Variants in ARFGEF3 observed in about 807,000 individuals in gnomAD.
The protein encoded by ARFGEF3 is ARFGEF family member 3.
ARFGEF3 carries 96 observed loss-of-function variants against 221.7 expected under a neutral mutation model. The observed-to-expected ratio is 0.43, with a 90% CI of 0.37 to 0.51. The LOEUF is 0.51. Among genes scored for constraint, ARFGEF3 ranks in the 20% least tolerant of loss-of-function variants. The probability of loss-of-function intolerance (pLI) is 0.00; values close to 1 mark genes in which losing one functional copy is unlikely to be tolerated. For synonymous variants in ARFGEF3, 1,145 were observed against 1,126.8 expected (o/e 1.02, Z -0.32); for missense variants, 2,410 against 2,789.9 (o/e 0.86, Z 3.07).
rs1191601057 is a variant in ARFGEF3 at position 138,291,626 on chromosome 6, G to A, written c.3048-107G>A. ...TCATCACAGGAAAGAGGAAAGCTGG[G>A]GAGCTTGCAGAGCTGGCTGCATTTC... On this transcript the variant is annotated intron_variant, in intron 18 of 33. Coordinates refer to ENST00000251691, the MANE Select transcript of ARFGEF3 (RefSeq NM_020340.5). This position sits in a 1 kb window ranked among gnomAD's most constrained non-coding sequence, Gnocchi z 4.5. The A allele has an allele frequency of 1.0e-5, 7 of 681,846 alleles. No individual in the cohort carries two copies. Among genetic ancestry groups the A allele is most frequent in the Non-Finnish European group, 1.3e-5 (6 of 466,756 alleles). 42.2% of individuals were successfully genotyped at this position (681,846 alleles called of 1,614,324 possible). A position where few individuals can be genotyped will look rare whatever the true frequency, so the allele number is the denominator to read the frequency against.
intron 26 of ARFGEF3, among the ~76,000 whole-genome samples, chr6:138,314,876 A>G (rs868253035): frequency 1.1e-4 from 17 of 152,358 alleles, no homozygotes; most frequent in Middle Eastern, 6.8e-3. Flanking sequence ...TTATAATTCT[A>G]TCACAATAAG....
chr6:138,289,886 C>A lies in ARFGEF3; in HGVS notation c.2965C>A (p.His989Asn). 1 of 1,613,886 alleles carries A rather than the reference C, an allele frequency of 6.2e-7. No homozygotes were observed. Among genetic ancestry groups the A allele is most frequent in the Non-Finnish European group, 8.5e-7 (1 of 1,179,814 alleles). Residue 989 changes from histidine (H) to asparagine (N), a missense_variant, in exon 18 of 34, where the codon CAC becomes AAC. This residue lies in a region of ARFGEF3 where 594 missense variants were observed against 734.3 expected (regional missense o/e 0.81). Transcript: ENST00000251691. ...KVQGVWLHTA[H>N]VLCMEAILSV... The stretch of plus-strand genomic sequence containing the variant: ...GCAGGGGGTGTGGCTGCACACTGCC[C>A]ACGTCTTGTGCATGGAGGCCATCCT...
chr6:138,249,841 C>T (rs1261197342), intron 8 of ARFGEF3, among the ~76,000 whole-genome samples: 1 of 152,182 alleles, frequency 6.6e-6, no homozygotes, highest in Non-Finnish European at 1.5e-5. Context: ...GCCATCACGA[C>T]TCCATTACCC....
chr6:138,257,556 T>C (rs1349131467), intron 10 of ARFGEF3, among the ~76,000 whole-genome samples: 1 of 152,184 alleles, frequency 6.6e-6, no homozygotes, highest in Non-Finnish European at 1.5e-5. Context: ...GGTCAAATGG[T>C]TTGCCCAAAG....
At chr6:138,183,967 T>C (rs902485303) in intron 2 of ARFGEF3, among the ~76,000 whole-genome samples, 1 of 152,148 alleles carries the variant, frequency 6.6e-6, no homozygotes, top group Admixed American at 6.5e-5. Context: ...CTCCCCCATA[T>C]TGGGGCAGAA....
chr6:138,304,733 A>T (rs1410692851), intron 22 of ARFGEF3, among the ~76,000 whole-genome samples: 1 of 152,206 alleles, frequency 6.6e-6, no homozygotes, highest in East Asian at 1.9e-4. Context: ...TGATTTGTGA[A>T]ATTACACCTT....
intron 12 of ARFGEF3, among the ~76,000 whole-genome samples, chr6:138,273,292 C>A (rs1391933036): frequency 2.0e-5 from 3 of 152,176 alleles, no homozygotes; most frequent in Non-Finnish European, 4.4e-5. Flanking sequence ...GTACCAAATT[C>A]TCTTAGACAC....
chr6:138,285,322 G>A (rs1350259265), intron 14 of ARFGEF3, among the ~76,000 whole-genome samples: 1 of 151,946 alleles, frequency 6.6e-6, no homozygotes, highest in Non-Finnish European at 1.5e-5. Context: ...ATGGTGGTGG[G>A]CACCTGTAGT....
chr6:138,329,686 C>T (rs1014080451), intron 32 of ARFGEF3, among the ~76,000 whole-genome samples: 4 of 152,098 alleles, frequency 2.6e-5, no homozygotes, highest in African/African-American at 4.8e-5. Context: ...AACAAAAAAA[C>T]AAACTGGGTT....
intron 2 of ARFGEF3, among the ~76,000 whole-genome samples, chr6:138,184,776 G>C (rs190653141): frequency 6.6e-6 from 1 of 152,274 alleles, no homozygotes; most frequent in East Asian, 1.9e-4. Context: ...AAATTTCTTT[G>C]AGCTGGCCTC....
At chr6:138,220,715 T>C (rs911549160) in intron 4 of ARFGEF3, among the ~76,000 whole-genome samples, 15 of 152,206 alleles carry the variant, frequency 9.9e-5, no homozygotes, top group African/African-American at 3.6e-4. Flanking sequence ...TAGAAGGACA[T>C]CGACTCAGCC....
chr6:138,179,362 C>T (rs1043635952), intron 2 of ARFGEF3, among the ~76,000 whole-genome samples: 11 of 152,204 alleles, frequency 7.2e-5, no homozygotes, highest in Non-Finnish European at 1.3e-4. Flanking sequence ...CTAGCCATAA[C>T]CCAGCCATTT....
intron 2 of ARFGEF3, among the ~76,000 whole-genome samples, chr6:138,201,696 T>C (rs893461864): frequency 1.3e-5 from 2 of 152,174 alleles, no homozygotes; most frequent in African/African-American, 2.4e-5. Context: ...GGTCGAGGGA[T>C]AAAAGACAAC....
intron 5 of ARFGEF3, among the ~76,000 whole-genome samples, chr6:138,236,098 G>A (rs912788281): frequency 2.0e-5 from 3 of 152,196 alleles, no homozygotes; most frequent in South Asian, 2.1e-4. Context: ...CCTCATGCAT[G>A]CACTTTCTTT....
chr6:138,291,075 C>A lies in ARFGEF3; in HGVS notation c.3048-658C>A, dbSNP rs537959718. 6.6e-6 allele frequency among the ~76,000 whole-genome samples: 1 copy of A among 152,246 alleles called. No homozygotes were observed. Among genetic ancestry groups the A allele is most frequent in the African/African-American group, 2.4e-5 (1 of 41,556 alleles). On this transcript the variant is annotated intron_variant, in intron 18 of 33. Transcript: ENST00000251691. The surrounding 1 kb of genome is among the most constrained non-coding windows in gnomAD (Gnocchi z 4.5). ...ACAGACTTACTCCGAGATGAGGGAC[C>A]TTGCGAACCATCTTCGTCCCAGGTT... is the stretch of plus-strand genomic sequence containing the variant.
At position 138,339,400 on chromosome 6, in the gene ARFGEF3, CA is replaced by C; in HGVS notation, c.*2916del. The stretch of plus-strand genomic sequence containing the variant: ...TCTCTCCTCACAGTCTCTTTTGCAG[CA>C]ACAGTAAGACAAAATTCAAGGCAGC... On this transcript the variant is annotated 3_prime_UTR_variant, in exon 34 of 34. Transcript: ENST00000251691. 6.6e-6 allele frequency: 1 copy of C among 152,248 alleles called. No homozygotes were observed. The highest frequency in any genetic ancestry group is 1.9e-4 in the East Asian group (1 of 5,184). The allele number at this position is 152,248 out of a possible 1,614,324, so 9.4% of individuals were successfully genotyped here. A position where few individuals can be genotyped will look rare whatever the true frequency, so the allele number is the denominator to read the frequency against.
intron 2 of ARFGEF3, among the ~76,000 whole-genome samples, chr6:138,175,675 A>G (rs1340815916): frequency 6.6e-6 from 1 of 152,234 alleles, no homozygotes; most frequent in Non-Finnish European, 1.5e-5. Flanking sequence ...AAGTAATATC[A>G]TAAGACTTGG....
intron 8 of ARFGEF3, among the ~76,000 whole-genome samples, chr6:138,246,059 C>T (rs1778480926): frequency 6.6e-6 from 1 of 152,186 alleles, no homozygotes; most frequent in Non-Finnish European, 1.5e-5. Flanking sequence ...ACACAACTGT[C>T]TTTAAAAAGA....
At chr6:138,318,968 T>C (rs1779973786) in intron 27 of ARFGEF3, among the ~76,000 whole-genome samples, 1 of 152,144 alleles carries the variant, frequency 6.6e-6, no homozygotes, top group South Asian at 2.1e-4. Context: ...CTCACACTTT[T>C]GGGGTTTTCT....
Sources: gnomAD v4.1 joint callset for allele counts (sites outside exome capture counted in the v4.1 genomes callset) on GRCh38, gnomAD v4.1.1 for gene constraint, gnomAD v4.1.1 regional missense constraint, Gnocchi (gnomAD v3.1) non-coding constraint, MANE v1.5 for transcripts, NCBI Gene and HGNC (gene_info 2026-07-23, HGNC 2026-07-21) for gene names.